DACT3: variants seen among roughly 807,000 people sequenced by gnomAD.
DACT3 encodes the protein dapper homolog 3.
In DACT3, 5 loss-of-function variants were observed where a neutral mutation model predicts 19.6. The ratio of observed to expected loss-of-function variants is 0.26; its 90% CI spans 0.13 to 0.54. DACT3 has a LOEUF of 0.54. Among genes scored for constraint, DACT3 ranks in the 20% least tolerant of loss-of-function variants. The pLI, the probability that DACT3 is intolerant of heterozygous loss-of-function variation, is 0.95. For synonymous variants in DACT3, 454 were observed against 428.1 expected, an observed-to-expected ratio of 1.06 and a Z score of -0.75; for missense variants, 908 against 927.4, an observed-to-expected ratio of 0.98 and a Z score of 0.27.
chr19:46,649,041 T>C lies in DACT3; in HGVS notation c.1331A>G (p.Tyr444Cys). 7.8e-7 allele frequency: 1 copy of C among 1,278,232 alleles called. No homozygotes were observed. The highest frequency in any genetic ancestry group is 9.9e-7 in the Non-Finnish European group (1 of 1,015,160). The allele number at this position is 1,278,232 out of a possible 1,614,324, so 79.2% of individuals were successfully genotyped here. Residue 444 changes from tyrosine to cysteine, a missense_variant, in exon 4 of 4, where the codon TAC becomes TGC. Transcript: ENST00000391916. The stretch of plus-strand genomic sequence containing the variant: ...AGGCTCTTCCCGCTCCGCCGTGGGG[T>C]ACTTAGGGGGCCCCGAAGGGACCGC... ...ASAVPSGPPK[Y>C]PTAEREEPRP...
chr19:46,649,567 G>A lies in DACT3; in HGVS notation c.805C>T (p.Arg269Trp), dbSNP rs2052959476. The A allele has an allele frequency of 9.3e-7, 1 of 1,074,496 alleles. No homozygotes were observed. Among genetic ancestry groups the A allele is most frequent in the Non-Finnish European group, 1.1e-6 (1 of 885,768 alleles). The allele number at this position is 1,074,496 out of a possible 1,614,324, so 66.6% of individuals were successfully genotyped here. The change falls in exon 4 of 4, where the codon CGG becomes TGG. Residue 269 changes from arginine to tryptophan, a missense_variant. By Grantham distance (101) the Arg-to-Trp change is moderately radical (BLOSUM62 -3). This residue lies in a region of DACT3 where 656 missense variants were observed against 601.8 expected (regional missense o/e 1.09). Coordinates refer to ENST00000391916, the MANE Select transcript of DACT3 (RefSeq NM_145056.3). ...CCGTCCGCGCCCCCGGGACTGGTCC[G>A]GGGCTGGCCCGCCCCCCGGCGGCGG... is the stretch of plus-strand genomic sequence containing the variant. ...RRRRRGAGQP[R>W]TSPGGADGGP...
chr19:46,657,346 C>CTTTTT (rs71177239), intron 1 of DACT3, among the ~76,000 whole-genome samples: 58 of 69,412 alleles, frequency 8.4e-4, no homozygotes, highest in Non-Finnish European at 1.1e-3. Flanking sequence ...AAATGAGTTT[C>CTTTTT]TTTTTTTTTT....
At position 46,660,110 on chromosome 19, in the gene DACT3, A is replaced by G. The variant is rs927764180; in HGVS notation, c.249+706T>C. Reference sequence around the variant, plus strand: ...CCCATCTTCCACCATGAGAACACCCAGAGTCCAGAAGTCTCCCCCAGGCGC... The same window carrying G: ...CCCATCTTCCACCATGAGAACACCCGGAGTCCAGAAGTCTCCCCCAGGCGC... On this transcript the variant is annotated intron_variant, in intron 1 of 3. Transcript: ENST00000391916. This position sits in a 1 kb window ranked among gnomAD's most constrained non-coding sequence, Gnocchi z 4.9. Among the ~76,000 whole-genome samples the G allele has an allele frequency of 1.3e-5, 2 of 152,166 alleles. No individual in the cohort carries two copies. Among genetic ancestry groups the G allele is most frequent in the Non-Finnish European group, 1.5e-5 (1 of 68,014 alleles).
intron 1 of DACT3, chr19:46,654,481 C>T: frequency 1.2e-5 from 9 of 721,608 alleles, no homozygotes; most frequent in Non-Finnish European, 1.3e-5. Context: ...GCAAGACTGA[C>T]AAAAAAAAAA....
In DACT3 at chr19:46,647,858, G is replaced by A. The variant is rs1211433065; in HGVS notation, c.*624C>T. ...CTCCGAATCCTCCATAATTGTCCAG[G>A]GATCGAAGTGAAAGAGTCCTTCTTT... On this transcript the variant is annotated 3_prime_UTR_variant, in exon 4 of 4. Coordinates refer to ENST00000391916, the MANE Select transcript of DACT3 (RefSeq NM_145056.3). The A allele has an allele frequency of 6.6e-6, 1 of 152,560 alleles. No homozygotes were observed. Among genetic ancestry groups the A allele is most frequent in the Admixed American group, 6.5e-5 (1 of 15,272 alleles). The allele number at this position is 152,560 out of a possible 1,614,324, so 9.5% of individuals were successfully genotyped here.
intron 1 of DACT3, chr19:46,654,828 C>CG: frequency 1.0e-6 from 1 of 983,510 alleles, no homozygotes; most frequent in Non-Finnish European, 1.2e-6. Context: ...ACAACCCCCC[C>CG]GCCCCATCCC....
rs2052994715 is a variant in DACT3, at chr19:46,652,457, G to A, written c.499+203C>T. Reference sequence around the variant, plus strand: ...ACCTCCCAAAGTGCTGGGATTACAGGCGTGAGCCACCGCACCCAGCCATAT... The same window carrying A: ...ACCTCCCAAAGTGCTGGGATTACAGACGTGAGCCACCGCACCCAGCCATAT... On this transcript the variant is annotated intron_variant, in intron 3 of 3. Transcript: ENST00000391916. 6.4e-6 allele frequency: 4 copies of A among 627,126 alleles called. No individual in the cohort carries two copies. In the East Asian group the frequency reaches 1.1e-4, roughly 18 times the overall value. The allele number at this position is 627,126 out of a possible 1,614,324, so 38.8% of individuals were successfully genotyped here.
chr19:46,650,866 C>T (rs1465447509), intron 3 of DACT3: 1 of 152,038 alleles, frequency 6.6e-6, no homozygotes, highest in Non-Finnish European at 1.5e-5. Context: ...GTCCACTCCC[C>T]CACTTAGTTC....
Position 46,660,413 on chromosome 19 carries a change from G to T in DACT3, c.249+403C>A. 2 of 167,370 alleles carry T rather than the reference G, an allele frequency of 1.2e-5. 1 individual carries two copies. Among genetic ancestry groups the T allele is most frequent in the South Asian group, 2.9e-4 (2 of 6,900 alleles). 10.4% of individuals were successfully genotyped at this position (167,370 alleles called of 1,614,324 possible). A position where few individuals can be genotyped will look rare whatever the true frequency, so the allele number is the denominator to read the frequency against. The stretch of plus-strand genomic sequence containing the variant: ...AGCCTGGCTGTGTCACCTTGGGTGA[G>T]TCGCTTGCTCTCTCTGAGCCTCAAT... On this transcript the variant is annotated intron_variant, in intron 1 of 3. Transcript: ENST00000391916. This position sits in a 1 kb window ranked among gnomAD's most constrained non-coding sequence, Gnocchi z 4.9.
At chr19:46,654,347 G>C in intron 1 of DACT3, 1 of 550,726 alleles carries the variant, frequency 1.8e-6, no homozygotes, top group Non-Finnish European at 2.3e-6. Flanking sequence ...CTAGCGGGGC[G>C]TGGTGGTTTG....
chr19:46,649,500 T>G lies in DACT3; in HGVS notation c.872A>C (p.Asp291Ala), dbSNP rs920286982. Reference protein sequence around the residue: ...RQNSVRQRPPDASPSPGSARP... With the variant: ...RQNSVRQRPPAASPSPGSARP... ...CGCGCTGCCGGGGGACGGAGACGCGTCGGGCGGCCGCTGGCGCACGCTGTT... is the reference window on the plus strand; with the variant it reads ...CGCGCTGCCGGGGGACGGAGACGCGGCGGGCGGCCGCTGGCGCACGCTGTT... The change falls in exon 4 of 4, where the codon GAC (aspartate) becomes GCC (alanine). Residue 291 changes from aspartate (D) to alanine (A), a missense_variant. Asp to Ala is a moderately radical substitution (Grantham distance 126). This residue lies in a region of DACT3 where 656 missense variants were observed against 601.8 expected (regional missense o/e 1.09). Coordinates refer to ENST00000391916, the MANE Select transcript of DACT3 (RefSeq NM_145056.3). 2.7e-6 allele frequency: 3 copies of G among 1,106,252 alleles called. No individual in the cohort carries two copies. In the African/African-American group the frequency reaches 5.1e-5, roughly 19 times the overall value. 68.5% of individuals were successfully genotyped at this position (1,106,252 alleles called of 1,614,324 possible).
rs181497895 is a variant in DACT3, at chr19:46,652,312, G to A, written c.499+348C>T. On this transcript the variant is annotated intron_variant, in intron 3 of 3. Coordinates refer to ENST00000391916, the MANE Select transcript of DACT3 (RefSeq NM_145056.3). ...AGGTTCAAGCGATCCTCCCACCTCA[G>A]CCTCCCGAGTAGCTGGAATTACAGG... The A allele has an allele frequency of 1.3e-3, 422 of 321,484 alleles. 4 individuals are homozygous for A. The highest frequency in any genetic ancestry group is 8.6e-3 in the African/African-American group (402 of 47,004). The allele number at this position is 321,484 out of a possible 1,614,324, so 19.9% of individuals were successfully genotyped here.
At chr19:46,655,925 C>CTCTCTCTCTCTCTCTCTCTA (rs980735397) in intron 1 of DACT3, among the ~76,000 whole-genome samples, 2 of 137,898 alleles carry the variant, frequency 1.5e-5, no homozygotes, top group South Asian at 2.3e-4. Flanking sequence ...CTCTCTCTCT[C>CTCTCTCTCTCTCTCTCTCTA]TATATATATA....
In DACT3 at chr19:46,649,061, G is replaced by A. The variant is rs2052950504; in HGVS notation, c.1311C>T (p.Val437=). 18 of 1,290,874 alleles carry A rather than the reference G, an allele frequency of 1.4e-5. No homozygotes were observed. Among genetic ancestry groups the A allele is most frequent in the Non-Finnish European group, 1.8e-5 (18 of 1,021,896 alleles). The allele number at this position is 1,290,874 out of a possible 1,614,324, so 80.0% of individuals were successfully genotyped here. A position where few individuals can be genotyped will look rare whatever the true frequency, so the allele number is the denominator to read the frequency against. ...TGGGGTACTTAGGGGGCCCCGAAGG[G>A]ACCGCGGAGGCGCGGCCCAGCAGGC... The part of the protein sequence containing the change: ...ETSLLGRASA[V]PSGPPKYPTA... The change falls in exon 4 of 4, where the codon GTC becomes GTT. Residue 437 remains valine, a synonymous_variant. Transcript: ENST00000391916.
chr19:46,661,130 C>A lies in DACT3; in HGVS notation c.-66G>T, dbSNP rs1427300390. 1 of 1,336,516 alleles carries A rather than the reference C, an allele frequency of 7.5e-7. No homozygotes were observed. Among genetic ancestry groups the A allele is most frequent in the African/African-American group, 1.5e-5 (1 of 64,582 alleles). 82.8% of individuals were successfully genotyped at this position (1,336,516 alleles called of 1,614,324 possible). On this transcript the variant is annotated 5_prime_UTR_variant, in exon 1 of 4. Coordinates refer to ENST00000391916, the MANE Select transcript of DACT3 (RefSeq NM_145056.3). Reference sequence around the variant, plus strand: ...CACCCCTCTCCCGGTCCCACCTCCCCGCCCCAGCAGCCTGCCCGCCCGCCC... The same window carrying A: ...CACCCCTCTCCCGGTCCCACCTCCCAGCCCCAGCAGCCTGCCCGCCCGCCC...
intron 3 of DACT3, chr19:46,650,190 A>G (rs1367570700): frequency 2.3e-5 from 3 of 130,810 alleles, no homozygotes; most frequent in African/African-American, 9.6e-5. Flanking sequence ...GGAGTGCAGT[A>G]GCCCGATCTC....
rs1415695634 is a variant in DACT3 at position 46,660,725 on chromosome 19, G to C, written c.249+91C>G. ...CCTTTCTCACTCCCTGCCTACCCGG[G>C]TCCCCAACCCCCGCCCGGTGTCTGA... On this transcript the variant is annotated intron_variant, in intron 1 of 3. Transcript: ENST00000391916. This position sits in a 1 kb window ranked among gnomAD's most constrained non-coding sequence, Gnocchi z 4.9. The C allele has an allele frequency of 1.4e-6, 2 of 1,396,428 alleles. No homozygotes were observed. The highest frequency in any genetic ancestry group is 1.9e-6 in the Non-Finnish European group (2 of 1,080,372). The allele number at this position is 1,396,428 out of a possible 1,614,324, so 86.5% of individuals were successfully genotyped here. A position where few individuals can be genotyped will look rare whatever the true frequency, so the allele number is the denominator to read the frequency against.
chr19:46,654,044 A>G, intron 1 of DACT3: 7 of 985,354 alleles, frequency 7.1e-6, no homozygotes, highest in Non-Finnish European at 8.4e-6. Context: ...CAAGCCTCCT[A>G]GACAGTCCTG....
chr19:46,649,450 CCAA>C lies in DACT3; in HGVS notation c.919_921del (p.Leu307del), dbSNP rs2052956741. ...CTGGTGGGGTGGCCCCCGACGCGCT[CCAA>C]CGAGGGCTCCCGCGCGGGTCGCGCG... is the stretch of plus-strand genomic sequence containing the variant. On this transcript the variant is annotated inframe_deletion, in exon 4 of 4. Transcript: ENST00000391916. The C allele has an allele frequency of 8.2e-7, 1 of 1,214,760 alleles. No homozygotes were observed. The highest frequency in any genetic ancestry group is 2.5e-5 in the South Asian group (1 of 40,232). The allele number at this position is 1,214,760 out of a possible 1,614,324, so 75.2% of individuals were successfully genotyped here. A position where few individuals can be genotyped will look rare whatever the true frequency, so the allele number is the denominator to read the frequency against.
Sources: allele counts gnomAD v4.1 joint callset (sites outside exome capture counted in the v4.1 genomes callset), GRCh38; gene constraint gnomAD v4.1.1; regional missense constraint gnomAD v4.1.1; non-coding constraint Gnocchi (gnomAD v3.1); transcripts MANE v1.5; gene names NCBI Gene and HGNC (gene_info 2026-07-23, HGNC 2026-07-21).